Variants in NOP53 observed in about 807,000 individuals in gnomAD.
The protein encoded by NOP53 is ribosome biogenesis protein NOP53.
NOP53 carries 40 observed loss-of-function variants against 61.0 expected under a neutral mutation model. That is an observed-to-expected ratio of 0.66 (90% CI 0.51 to 0.85). The LOEUF (loss-of-function observed/expected upper bound fraction) is 0.85. NOP53 is among the 40% of genes least tolerant of loss of function. NOP53 has a pLI of 0.00. For missense variants in NOP53, 689 were observed against 652.9 expected (o/e 1.06, Z -0.60); for synonymous variants, 308 against 289.5 (o/e 1.06, Z -0.65).
At position 47,750,298 on chromosome 19, in the gene NOP53, A is replaced by AG; in HGVS notation, c.398+13dup. On this transcript the variant is annotated intron_variant, in intron 3 of 12. Coordinates refer to ENST00000246802, the MANE Select transcript of NOP53 (RefSeq NM_015710.5). Reference sequence around the variant, plus strand: ...CCTGCCCCCAAAGAGTGAGTGTCCCAGCATCCCTGGGCCCTTCTTTCCCAC... The same window carrying AG: ...CCTGCCCCCAAAGAGTGAGTGTCCCAGGCATCCCTGGGCCCTTCTTTCCCAC... 1 of 1,490,668 alleles carries AG rather than the reference A, an allele frequency of 6.7e-7. No individual in the cohort carries two copies. Among genetic ancestry groups the AG allele is most frequent in the Non-Finnish European group, 9.4e-7 (1 of 1,067,314 alleles). 92.3% of individuals were successfully genotyped at this position (1,490,668 alleles called of 1,614,324 possible).
intron 10 of NOP53, 131 bp from the exon 11 acceptor site, chr19:47,756,397 G>T: frequency 1.5e-6 from 1 of 656,616 alleles, no homozygotes; most frequent in African/African-American, 1.8e-5. Flanking sequence ...GGGCCAGGCT[G>T]AGTCCCTGGT....
In NOP53 at chr19:47,754,701, C is replaced by T. The variant is rs750967523; in HGVS notation, c.871-8C>T. 17 of 1,535,800 alleles carry T rather than the reference C, an allele frequency of 1.1e-5. No homozygotes were observed. Among genetic ancestry groups the T allele is most frequent in the Non-Finnish European group, 1.5e-5 (17 of 1,137,318 alleles). ...ACCCACCCCTGACACTGCACCCCGC[C>T]TCCCCAGGAGTCCACATTCCAGGAG... On this transcript the variant is annotated splice_polypyrimidine_tract_variant and splice_region_variant and intron_variant, in intron 7 of 12. Coordinates refer to ENST00000246802, the MANE Select transcript of NOP53 (RefSeq NM_015710.5). The surrounding 1 kb of genome is among the most constrained non-coding windows in gnomAD (Gnocchi z 4.2).
chr19:47,754,913 G>T lies in NOP53; in HGVS notation c.1053+22G>T. The T allele has an allele frequency of 1.3e-6, 2 of 1,486,250 alleles. No homozygotes were observed. Among genetic ancestry groups the T allele is most frequent in the East Asian group, 2.5e-5 (1 of 40,298 alleles). The allele number at this position is 1,486,250 out of a possible 1,614,324, so 92.1% of individuals were successfully genotyped here. On this transcript the variant is annotated intron_variant, in intron 8 of 12. Coordinates refer to ENST00000246802, the MANE Select transcript of NOP53 (RefSeq NM_015710.5). This position sits in a 1 kb window ranked among gnomAD's most constrained non-coding sequence, Gnocchi z 4.2. ...GCTGGTGAGCGCCTGGGCCAGCGGG[G>T]CCTGCCTCTGATGCCTCGCCCCCTT...
At chr19:47,749,021 C>T (rs796208860) in intron 2 of NOP53, among the ~76,000 whole-genome samples, 19 of 151,722 alleles carry the variant, frequency 1.3e-4, no homozygotes, top group African/African-American at 4.4e-4. Flanking sequence ...ATTAGCCGAG[C>T]GTGGTGGCGC....
At chr19:47,753,759 T>G (rs887313579) in intron 6 of NOP53, 1 of 152,256 alleles carries the variant, frequency 6.6e-6, no homozygotes, top group African/African-American at 2.4e-5. Context: ...TTCGTAGAGA[T>G]AAAATTCACT....
rs1487004539 is a variant in NOP53 at position 47,745,736 on chromosome 19, G to A, written c.177G>A (p.Glu59=). The change falls in exon 1 of 13, where the codon GAG becomes GAA. Residue 59 remains glutamate, a synonymous_variant. Transcript: ENST00000246802. ...TTGCTCAGGAGCCGCTGGGGCTGGA[G>A]GTTGACCAGTTCCTGGAAGACGTGC... ...RRLAQEPLGL[E]VDQFLEDVRL... 2.5e-6 allele frequency: 4 copies of A among 1,605,142 alleles called. No homozygotes were observed. The African/African-American group carries it at 5.4e-5, about 22-fold the overall frequency.
At position 47,752,419 on chromosome 19, in the gene NOP53, G is replaced by A. The variant is rs115886381; in HGVS notation, c.670-93G>A. 4,942 of 777,268 alleles carry A rather than the reference G, an allele frequency of 6.4e-3. 168 individuals are homozygous for A. The African/African-American group carries it at 0.074, about 12-fold the overall frequency. The allele number at this position is 777,268 out of a possible 1,614,324, so 48.1% of individuals were successfully genotyped here. On this transcript the variant is annotated intron_variant, in intron 5 of 12. Transcript: ENST00000246802. The stretch of plus-strand genomic sequence containing the variant: ...TGAGCTCTTCCCACACCCAACCACT[G>A]GCAAGGCCTGGAGCATCTGCCCCAT...
In NOP53 at chr19:47,745,751, G is replaced by A. The variant is rs1428054659; in HGVS notation, c.192G>A (p.Leu64=). Reference sequence around the variant, plus strand: ...TGGGGCTGGAGGTTGACCAGTTCCTGGAAGACGTGCGGCTACAGGAGCGCA... The same window carrying A: ...TGGGGCTGGAGGTTGACCAGTTCCTAGAAGACGTGCGGCTACAGGAGCGCA... ...EPLGLEVDQF[L]EDVRLQERTS... The change falls in exon 1 of 13, where the codon CTG becomes CTA. Residue 64 remains leucine (L), a synonymous_variant. Transcript: ENST00000246802. 3.8e-6 allele frequency: 6 copies of A among 1,593,390 alleles called. 1 individual carries two copies. In the Admixed American group the frequency reaches 5.3e-5, roughly 14 times the overall value.
intron 6 of NOP53, chr19:47,753,449 C>T (rs1967148406): frequency 6.6e-6 from 1 of 152,242 alleles, no homozygotes; most frequent in South Asian, 2.1e-4. Context: ...AAAACAAGCA[C>T]AACCCTCCCT....
chr19:47,751,142 A>C (rs1454983607), intron 4 of NOP53, 35 bp downstream of exon 4: 1 of 1,548,134 alleles, frequency 6.5e-7, no homozygotes. Flanking sequence ...GAATGGGGAC[A>C]GGACGGCCAT....
At position 47,754,655 on chromosome 19, in the gene NOP53, C is replaced by G; in HGVS notation, c.870+24C>G. 6.5e-7 allele frequency: 1 copy of G among 1,543,586 alleles called. No homozygotes were observed. Among genetic ancestry groups the G allele is most frequent in the Non-Finnish European group, 8.8e-7 (1 of 1,142,450 alleles). On this transcript the variant is annotated intron_variant, in intron 7 of 12. Transcript: ENST00000246802. This position sits in a 1 kb window ranked among gnomAD's most constrained non-coding sequence, Gnocchi z 4.2. ...AGGTGAGCCCCGCACCTGCCCACTCCCTCCCCTCCCCGGGCCTCCTACCCA... is the reference window on the plus strand; with the variant it reads ...AGGTGAGCCCCGCACCTGCCCACTCGCTCCCCTCCCCGGGCCTCCTACCCA...
In NOP53 at chr19:47,754,467, G is replaced by C; in HGVS notation, c.766-60G>C. 1.6e-6 allele frequency: 2 copies of C among 1,277,362 alleles called. No individual in the cohort carries two copies. Among genetic ancestry groups the C allele is most frequent in the Non-Finnish European group, 2.2e-6 (2 of 902,586 alleles). The allele number at this position is 1,277,362 out of a possible 1,614,324, so 79.1% of individuals were successfully genotyped here. ...GATGAGGGACAGATGGGAGGTAAGA[G>C]GGTCTAGTCTCAGTGTCCCAGGAGG... On this transcript the variant is annotated intron_variant, in intron 6 of 12. Coordinates refer to ENST00000246802, the MANE Select transcript of NOP53 (RefSeq NM_015710.5). This position sits in a 1 kb window ranked among gnomAD's most constrained non-coding sequence, Gnocchi z 4.2.
chr19:47,755,953 G>C (rs1967192300), intron 10 of NOP53, 131 bp downstream of exon 10: 1 of 691,078 alleles, frequency 1.4e-6, no homozygotes, highest in African/African-American at 1.8e-5. Context: ...ATGCCCAGGG[G>C]CTGAGGGCAC....
intron 2 of NOP53, among the ~76,000 whole-genome samples, chr19:47,748,247 A>C (rs1299141415): frequency 6.6e-6 from 1 of 151,994 alleles, no homozygotes; most frequent in Non-Finnish European, 1.5e-5. Flanking sequence ...AATAGGAATA[A>C]GAGGACTTGC....
intron 2 of NOP53, among the ~76,000 whole-genome samples, chr19:47,749,138 C>T (rs746463192): frequency 2.6e-5 from 4 of 151,596 alleles, no homozygotes; most frequent in Non-Finnish European, 4.4e-5. Context: ...TCCGCTCCAG[C>T]CTGGGTTACA....
chr19:47,755,367 T>C lies in NOP53; in HGVS notation c.1073T>C (p.Leu358Ser). 1 of 1,517,892 alleles carries C rather than the reference T, an allele frequency of 6.6e-7. No homozygotes were observed. The highest frequency in any genetic ancestry group is 8.8e-7 in the Non-Finnish European group (1 of 1,139,268). The allele number at this position is 1,517,892 out of a possible 1,614,324, so 94.0% of individuals were successfully genotyped here. The change falls in exon 9 of 13, where the codon TTG (leucine) becomes TCG (serine). Residue 358 changes from leucine (L) to serine (S), a missense_variant. Physicochemically the swap from Leu to Ser is moderately radical, Grantham distance 145. Transcript: ENST00000246802. ...VHRLRVQQAALRAARLRHQEL... is the reference protein window; with the variant it reads ...VHRLRVQQAASRAARLRHQEL... ...CCACAGCGGGTACAGCAGGCCGCGT[T>C]GCGGGCCGCCCGGCTCCGGCACCAG...
rs1226153778 is a variant in NOP53, at chr19:47,754,954, C to G, written c.1053+63C>G. 1.4e-6 allele frequency: 2 copies of G among 1,407,126 alleles called. No homozygotes were observed. Among genetic ancestry groups the G allele is most frequent in the African/African-American group, 2.9e-5 (2 of 68,560 alleles). The allele number at this position is 1,407,126 out of a possible 1,614,324, so 87.2% of individuals were successfully genotyped here. The stretch of plus-strand genomic sequence containing the variant: ...TCGCCCCCTTCCTTCCTTCCTCCCA[C>G]CATGGGCTGCCCTGGGTGCTGCGGG... On this transcript the variant is annotated intron_variant, in intron 8 of 12. Coordinates refer to ENST00000246802, the MANE Select transcript of NOP53 (RefSeq NM_015710.5). This position sits in a 1 kb window ranked among gnomAD's most constrained non-coding sequence, Gnocchi z 4.2.
intron 2 of NOP53, among the ~76,000 whole-genome samples, chr19:47,749,509 T>C (rs1181486869): frequency 6.6e-6 from 1 of 152,206 alleles, no homozygotes; most frequent in East Asian, 1.9e-4. Context: ...CTAAGCCTCT[T>C]GTGTGAGGTC....
intron 8 of NOP53, 24 bp from the exon 9 acceptor site, chr19:47,755,324 C>T: frequency 6.9e-7 from 1 of 1,457,818 alleles, no homozygotes; most frequent in Non-Finnish European, 9.0e-7. Context: ...CGGCCTGAGC[C>T]CTGACCCTCC....
Sources: gnomAD v4.1 joint callset for allele counts (sites outside exome capture counted in the v4.1 genomes callset) on GRCh38, gnomAD v4.1.1 for gene constraint, Gnocchi (gnomAD v3.1) non-coding constraint, MANE v1.5 for transcripts, NCBI Gene and HGNC (gene_info 2026-07-23, HGNC 2026-07-21) for gene names.